PCSK5: variants seen among roughly 807,000 people sequenced by gnomAD.
PCSK5 encodes the protein prohormone convertase 5.
PCSK5 carries 129 observed loss-of-function variants against 233.2 expected under a neutral mutation model. The ratio of observed to expected loss-of-function variants is 0.55; its 90% confidence interval spans 0.48 to 0.64. The LOEUF is 0.64. PCSK5 is among the 30% of genes least tolerant of loss of function. PCSK5 has a pLI of 0.00. For synonymous variants in PCSK5, 825 were observed against 879.2 expected (o/e 0.94, Z 1.09); for missense variants, 2,076 against 2,430.1 (o/e 0.85, Z 3.06).
chr9:76,168,913 T>A (rs1231283807), intron 12 of PCSK5, among the ~76,000 whole-genome samples: 1 of 152,200 alleles, frequency 6.6e-6, no homozygotes, highest in Non-Finnish European at 1.5e-5. Flanking sequence ...TTTCTTTACG[T>A]ATAATTTTGC....
chr9:76,290,028 A>G (rs1356326139), intron 24 of PCSK5, among the ~76,000 whole-genome samples: 1 of 152,208 alleles, frequency 6.6e-6, no homozygotes, highest in African/African-American at 2.4e-5. Context: ...AGGGATGACC[A>G]GAACATTAAA....
At chr9:76,244,207 C>G (rs924123163) in intron 24 of PCSK5, among the ~76,000 whole-genome samples, 2 of 152,172 alleles carry the variant, frequency 1.3e-5, no homozygotes, top group Non-Finnish European at 2.9e-5. Context: ...GCCTGGGCAA[C>G]AGAGCAAGAT....
intron 1 of PCSK5, among the ~76,000 whole-genome samples, chr9:75,892,374 G>A (rs889888843): frequency 1.3e-5 from 2 of 152,204 alleles, no homozygotes; most frequent in African/African-American, 2.4e-5. Context: ...AGAGGGCTAT[G>A]AAAGTGGGTC....
intron 32 of PCSK5, among the ~76,000 whole-genome samples, chr9:76,325,226 C>G (rs1397824530): frequency 6.6e-6 from 1 of 152,180 alleles, no homozygotes; most frequent in Non-Finnish European, 1.5e-5. Context: ...AGGCCTCCAG[C>G]GCCATCTTGC....
intron 5 of PCSK5, among the ~76,000 whole-genome samples, chr9:76,042,422 A>G (rs1339360395): frequency 6.6e-6 from 1 of 152,194 alleles, no homozygotes; most frequent in Non-Finnish European, 1.5e-5. Context: ...AGATCAAGAT[A>G]GGCAGATCAC....
intron 24 of PCSK5, among the ~76,000 whole-genome samples, chr9:76,264,586 T>TA (rs1269204271): frequency 6.6e-6 from 1 of 151,808 alleles, no homozygotes; most frequent in African/African-American, 2.4e-5. Flanking sequence ...TAAAAAACCT[T>TA]AAAAAATGAG....
chr9:76,183,219 C>T (rs369710706), intron 16 of PCSK5, among the ~76,000 whole-genome samples: 25 of 152,224 alleles, frequency 1.6e-4, no homozygotes, highest in African/African-American at 4.1e-4. Flanking sequence ...ATTGAGAGTC[C>T]GTTGTTTCCA....
chr9:76,320,805 CTGGTTTT>C (rs2131458347), intron 30 of PCSK5, among the ~76,000 whole-genome samples: 1 of 146,484 alleles, frequency 6.8e-6, no homozygotes, highest in African/African-American at 2.5e-5. Flanking sequence ...TAGTAACTAT[CTGGTTTT>C]TGGTTTTGTT....
In PCSK5 at chr9:76,095,917, G is replaced by C; in HGVS notation, c.922G>C (p.Val308Leu). Reference sequence around the variant, plus strand: ...GCGGAGAGGCCTCGGCTCTGTGTTTGTTTGGGCATCTGGAAATGGTGGAAG... The same window carrying C: ...GCGGAGAGGCCTCGGCTCTGTGTTTCTTTGGGCATCTGGAAATGGTGGAAG... ...MGRRGLGSVF[V>L]WASGNGGRSK... is the part of the protein sequence containing the mutation. The change falls in exon 8 of 38, where the codon GTT (valine) becomes CTT (leucine). Residue 308 changes from valine (V) to leucine (L), a missense_variant. Val to Leu is a conservative substitution (Grantham distance 32). Transcript: ENST00000674117. 4 of 1,614,110 alleles carry C rather than the reference G, an allele frequency of 2.5e-6. No homozygotes were observed. The highest frequency in any genetic ancestry group is 3.4e-6 in the Non-Finnish European group (4 of 1,180,022).
intron 14 of PCSK5, among the ~76,000 whole-genome samples, chr9:76,179,068 C>CT (rs2131210307): frequency 6.6e-6 from 1 of 152,202 alleles, no homozygotes; most frequent in East Asian, 1.9e-4. Context: ...TTATCTGTGT[C>CT]TGAGACTGGA....
At chr9:76,289,469 CCACACACACACA>C (rs201456283) in intron 24 of PCSK5, among the ~76,000 whole-genome samples, 57 of 129,920 alleles carry the variant, frequency 4.4e-4, no homozygotes, top group South Asian at 2.1e-3. Context: ...ATTCCCCTCA[CCACACACACACA>C]CACACACACA....
At position 76,179,654 on chromosome 9, in the gene PCSK5, C is replaced by T. The variant is rs776949235; in HGVS notation, c.1959C>T (p.Cys653=). Residue 653 remains cysteine, a synonymous_variant, in exon 15 of 38, where the codon TGC becomes TGT. Coordinates refer to ENST00000674117, the MANE Select transcript of PCSK5 (RefSeq NM_001372043.1). The stretch of plus-strand genomic sequence containing the variant: ...GTGACGGGCCAGGACCAGACCACTG[C>T]AATGACTGTTTGCACTACTACTACA... ...VGCDGPGPDH[C]NDCLHYYYKL... 43 of 1,613,640 alleles carry T rather than the reference C, an allele frequency of 2.7e-5. No individual in the cohort carries two copies. Among genetic ancestry groups the T allele is most frequent in the Non-Finnish European group, 3.6e-5 (42 of 1,179,676 alleles).
intron 24 of PCSK5, among the ~76,000 whole-genome samples, chr9:76,255,682 T>A (rs914629405): frequency 1.3e-5 from 2 of 151,962 alleles, no homozygotes; most frequent in African/African-American, 4.8e-5. Flanking sequence ...ATTTTTTTTT[T>A]AAGTTAGCCT....
intron 5 of PCSK5, among the ~76,000 whole-genome samples, chr9:76,035,011 T>G (rs1828801296): frequency 6.6e-6 from 1 of 152,192 alleles, no homozygotes; most frequent in Admixed American, 6.5e-5. Context: ...AAGGCTGACT[T>G]TGAGGGGCTG....
intron 7 of PCSK5, among the ~76,000 whole-genome samples, chr9:76,089,765 T>C (rs1257516328): frequency 6.6e-6 from 1 of 152,200 alleles, no homozygotes; most frequent in Non-Finnish European, 1.5e-5. Flanking sequence ...AAGAAAGAAA[T>C]TTAGTTCCAT....
intron 1 of PCSK5, among the ~76,000 whole-genome samples, chr9:75,903,267 T>G (rs1272503176): frequency 6.6e-6 from 1 of 152,108 alleles, no homozygotes; most frequent in African/African-American, 2.4e-5. Flanking sequence ...ACATATAACA[T>G]TTTTAGATTG....
intron 5 of PCSK5, among the ~76,000 whole-genome samples, chr9:76,049,522 T>C (rs1829547435): frequency 6.6e-6 from 1 of 152,194 alleles, no homozygotes; most frequent in Non-Finnish European, 1.5e-5. Flanking sequence ...ACTCAGTGAA[T>C]AGATGGTGTT....
rs560089828 is a variant in PCSK5, at chr9:76,201,778, G to T, written c.2626+12032G>T. On this transcript the variant is annotated intron_variant, in intron 20 of 37. Transcript: ENST00000674117. ...GCAGTGGCTGTTACAAAGAAATGGG[G>T]ATATGATGACATGACACTTCCTTTC... Among the ~76,000 whole-genome samples the T allele has an allele frequency of 3.9e-5, 6 of 152,282 alleles. No individual in the cohort carries two copies. In the South Asian group the frequency reaches 1.2e-3, roughly 32 times the overall value.
chr9:76,178,163 G>A (rs1244505133), intron 14 of PCSK5, among the ~76,000 whole-genome samples: 2 of 152,128 alleles, frequency 1.3e-5, no homozygotes, highest in African/African-American at 4.8e-5. Flanking sequence ...AGACAGCAGA[G>A]ACACCACTCC....
Sources: allele counts gnomAD v4.1 joint callset (sites outside exome capture counted in the v4.1 genomes callset), GRCh38; gene constraint gnomAD v4.1.1; transcripts MANE v1.5; gene names NCBI Gene and HGNC (gene_info 2026-07-23, HGNC 2026-07-21).